Variants in GRID2 observed in about 807,000 individuals in gnomAD.
GRID2 encodes glutamate ionotropic receptor delta type subunit 2.
A neutral mutation model predicts 114.8 loss-of-function variants in GRID2; 33 were observed. The ratio of observed to expected loss-of-function variants is 0.29; its 90% CI spans 0.22 to 0.38. The LOEUF (loss-of-function observed/expected upper bound fraction) is 0.38. Ranked by LOEUF, GRID2 falls within the 10% of genes least tolerant of loss-of-function variation. GRID2 has a pLI of 1.00. For synonymous variants in GRID2, 505 were observed against 449.9 expected, an observed-to-expected ratio of 1.12 and a Z score of -1.55; for missense variants, 1,184 against 1,257.7, an observed-to-expected ratio of 0.94 and a Z score of 0.89.
intron 2 of GRID2, among the ~76,000 whole-genome samples, chr4:92,639,039 T>C (rs980985072): frequency 6.6e-6 from 1 of 151,398 alleles, no homozygotes; most frequent in African/African-American, 2.4e-5. Context: ...AGTATTATTT[T>C]ATAATGGTAT....
chr4:93,335,451 C>A (rs2149237269), intron 8 of GRID2, among the ~76,000 whole-genome samples: 1 of 152,202 alleles, frequency 6.6e-6, no homozygotes, highest in Admixed American at 6.5e-5. Context: ...AATATGTTGT[C>A]ATTTGGTAAT....
At chr4:93,134,298 A>G (rs1735050663) in intron 4 of GRID2, among the ~76,000 whole-genome samples, 1 of 152,222 alleles carries the variant, frequency 6.6e-6, no homozygotes. Flanking sequence ...TTCAGTATAT[A>G]TGAAAGACTT....
intron 2 of GRID2, among the ~76,000 whole-genome samples, chr4:92,596,649 G>A (rs1382114398): frequency 6.6e-6 from 1 of 151,446 alleles, no homozygotes; most frequent in Non-Finnish European, 1.5e-5. Context: ...TAGTATTAAA[G>A]GACAAATAAT....
intron 1 of GRID2, among the ~76,000 whole-genome samples, chr4:92,529,393 AT>A: frequency 6.6e-6 from 1 of 152,184 alleles, no homozygotes; most frequent in East Asian, 1.9e-4. Context: ...ACAGATCAAA[AT>A]GCTTTTTTCT....
In GRID2 at chr4:93,405,677, C is replaced by G. The variant is rs1243971646; in HGVS notation, c.1347+9969C>G. Among the ~76,000 whole-genome samples the G allele has an allele frequency of 3.9e-5, 6 of 152,116 alleles. No homozygotes were observed. The South Asian group carries it at 6.2e-4, about 16-fold the overall frequency. On this transcript the variant is annotated intron_variant, in intron 9 of 15. Coordinates refer to ENST00000282020, the MANE Select transcript of GRID2 (RefSeq NM_001510.4). ...GTTAGAACATTTCACAATATTCTAA[C>G]CGAAATTACATGAACTACATTATAT...
At chr4:93,374,695 C>T (rs1429793584) in intron 8 of GRID2, among the ~76,000 whole-genome samples, 2 of 152,028 alleles carry the variant, frequency 1.3e-5, no homozygotes, top group African/African-American at 4.8e-5. Flanking sequence ...GTGGTTTCAT[C>T]CTGTTTATAT....
chr4:93,594,391 T>A (rs1297367063), intron 13 of GRID2, among the ~76,000 whole-genome samples: 3 of 152,304 alleles, frequency 2.0e-5, no homozygotes, highest in Admixed American at 6.5e-5. Context: ...GGGACCCACT[T>A]GAGGAGGCAG....
chr4:92,496,663 A>G (rs1427837615), intron 1 of GRID2, among the ~76,000 whole-genome samples: 1 of 151,666 alleles, frequency 6.6e-6, no homozygotes, highest in Non-Finnish European at 1.5e-5. Context: ...ATTCTTATAG[A>G]ATATATGACT....
At chr4:93,063,794 T>C (rs1015964233) in intron 2 of GRID2, among the ~76,000 whole-genome samples, 1 of 151,794 alleles carries the variant, frequency 6.6e-6, no homozygotes, top group African/African-American at 2.4e-5. Flanking sequence ...ACAAATAAAC[T>C]GAATTGTACA....
At chr4:93,719,863 A>C (rs1729206289) in intron 14 of GRID2, among the ~76,000 whole-genome samples, 1 of 152,092 alleles carries the variant, frequency 6.6e-6, no homozygotes, top group Non-Finnish European at 1.5e-5. Flanking sequence ...GTGCAGTCTG[A>C]TTGACTCCCT....
chr4:92,837,742 A>G (rs1445541292), intron 2 of GRID2, among the ~76,000 whole-genome samples: 1 of 152,072 alleles, frequency 6.6e-6, no homozygotes, highest in Non-Finnish European at 1.5e-5. Flanking sequence ...GTAAAAAGTA[A>G]TTGGATTTGG....
intron 8 of GRID2, among the ~76,000 whole-genome samples, chr4:93,337,385 C>A (rs1391037354): frequency 6.6e-6 from 1 of 152,152 alleles, no homozygotes; most frequent in Non-Finnish European, 1.5e-5. Flanking sequence ...CCATCACCAC[C>A]AGGAGGTGAC....
chr4:92,376,568 G>C (rs895609738), intron 1 of GRID2, among the ~76,000 whole-genome samples: 1 of 152,062 alleles, frequency 6.6e-6, no homozygotes, highest in Middle Eastern at 3.2e-3. Context: ...TCCACTAGGC[G>C]GTGCCCCATT....
intron 10 of GRID2, among the ~76,000 whole-genome samples, chr4:93,451,589 A>C (rs1173072676): frequency 6.6e-6 from 1 of 152,058 alleles, no homozygotes; most frequent in African/African-American, 2.4e-5. Context: ...GAAAATTTTT[A>C]AAGTGTGGCA....
At chr4:93,253,413 T>A (rs1354283524) in intron 8 of GRID2, among the ~76,000 whole-genome samples, 1 of 152,158 alleles carries the variant, frequency 6.6e-6, no homozygotes, top group African/African-American at 2.4e-5. Context: ...GTTCTAATTT[T>A]AAAAATTAAT....
At chr4:92,969,815 A>G (rs926189977) in intron 2 of GRID2, among the ~76,000 whole-genome samples, 3 of 151,880 alleles carry the variant, frequency 2.0e-5, no homozygotes, top group African/African-American at 7.2e-5. Context: ...TTCCCTTTGA[A>G]AGAAATATGG....
chr4:92,924,230 C>T (rs1404731657), intron 2 of GRID2, among the ~76,000 whole-genome samples: 1 of 152,060 alleles, frequency 6.6e-6, no homozygotes, highest in Admixed American at 6.6e-5. Context: ...AGGGGAACAT[C>T]ACACTCTGGG....
intron 2 of GRID2, among the ~76,000 whole-genome samples, chr4:92,818,072 A>G (rs1049650114): frequency 6.6e-6 from 1 of 152,172 alleles, no homozygotes; most frequent in Admixed American, 6.6e-5. Context: ...ATTGATGATC[A>G]TGTTGTCTTT....
chr4:92,603,259 A>T (rs974659230), intron 2 of GRID2, among the ~76,000 whole-genome samples: 3 of 152,178 alleles, frequency 2.0e-5, no homozygotes, highest in African/African-American at 7.2e-5. Context: ...CTAAGCAAAA[A>T]GAACAAAGTT....
Sources: allele counts gnomAD v4.1 joint callset (sites outside exome capture counted in the v4.1 genomes callset), GRCh38; gene constraint gnomAD v4.1.1; transcripts MANE v1.5; gene names NCBI Gene and HGNC (gene_info 2026-07-23, HGNC 2026-07-21).